CNTLN: variants seen among roughly 807,000 people sequenced by gnomAD.
The protein encoded by CNTLN is centlein, centrosomal protein.
CNTLN carries 212 observed loss-of-function variants against 180.0 expected under a neutral mutation model. The ratio of observed to expected loss-of-function variants is 1.18; its 90% CI spans 1.05 to 1.32. CNTLN has a LOEUF of 1.32. Among genes scored for constraint, CNTLN ranks in the 40% most tolerant of loss-of-function variants. The probability of loss-of-function intolerance (pLI) is 0.00; values close to 1 mark genes in which losing one functional copy is unlikely to be tolerated. For missense variants in CNTLN, 2,095 were observed against 1,610.9 expected (o/e 1.30, Z -5.14); for synonymous variants, 722 against 563.1 (o/e 1.28, Z -3.99).
chr9:17,443,416 G>A (rs759675950), intron 18 of CNTLN, among the ~76,000 whole-genome samples: 1 of 152,124 alleles, frequency 6.6e-6, no homozygotes, highest in Non-Finnish European at 1.5e-5. Context: ...GTATTGTGTG[G>A]TATCTAGGAA....
At chr9:17,393,094 ACT>A (rs1279180350) in intron 14 of CNTLN, among the ~76,000 whole-genome samples, 1 of 152,018 alleles carries the variant, frequency 6.6e-6, no homozygotes, top group Non-Finnish European at 1.5e-5. Context: ...TCTTGTGAGG[ACT>A]CTCTTTCTGT....
rs1443383518 is a variant in CNTLN, at chr9:17,433,029, A to AG, written c.3114+16840_3114+16841insG. ...GAGCAAGACTCTGTCTCAAAAAAAA[A>AG]AAAAAAAAACAAAGATTAGGAACAG... On this transcript the variant is annotated intron_variant, in intron 18 of 25. Transcript: ENST00000380647. Among the ~76,000 whole-genome samples, 26 of 150,658 alleles carry AG rather than the reference A, an allele frequency of 1.7e-4. No homozygotes were observed. The South Asian group carries it at 5.5e-3, about 32-fold the overall frequency.
intron 5 of CNTLN, among the ~76,000 whole-genome samples, chr9:17,254,197 T>A (rs1826329934): frequency 6.6e-6 from 1 of 151,730 alleles, no homozygotes; most frequent in African/African-American, 2.4e-5. Flanking sequence ...ATATCATCTT[T>A]GGAGAAATAT....
intron 8 of CNTLN, among the ~76,000 whole-genome samples, chr9:17,325,408 G>GTGTA (rs1407020798): frequency 6.9e-6 from 1 of 145,584 alleles, no homozygotes; most frequent in African/African-American, 2.5e-5. Context: ...GTGTGTGTGT[G>GTGTA]TGTGTATGTA....
chr9:17,335,333 A>G (rs1273001409), intron 10 of CNTLN, among the ~76,000 whole-genome samples: 2 of 152,144 alleles, frequency 1.3e-5, no homozygotes, highest in Non-Finnish European at 2.9e-5. Flanking sequence ...CATGGTTAAC[A>G]TGGTGAAACC....
intron 23 of CNTLN, among the ~76,000 whole-genome samples, chr9:17,473,978 C>T (rs1199567897): frequency 2.0e-5 from 3 of 152,236 alleles, no homozygotes; most frequent in Admixed American, 6.5e-5. Context: ...CACATCTAGC[C>T]GGTCTTCTCT....
At chr9:17,139,741 G>A (rs577306824) in intron 1 of CNTLN, among the ~76,000 whole-genome samples, 1 of 152,046 alleles carries the variant, frequency 6.6e-6, no homozygotes, top group African/African-American at 2.4e-5. Context: ...GTCTCCCTCT[G>A]TCACCCACGC....
Position 17,309,040 on chromosome 9 carries a change from A to G in CNTLN, c.1147-18A>G. The G allele has an allele frequency of 6.7e-7, 1 of 1,493,118 alleles. No individual in the cohort carries two copies. Among genetic ancestry groups the G allele is most frequent in the East Asian group, 2.3e-5 (1 of 43,214 alleles). The allele number at this position is 1,493,118 out of a possible 1,614,324, so 92.5% of individuals were successfully genotyped here. ...TTTATTGATTATTAATATAATTTGG[A>G]TATATTTTTTGAAACAGCTTTACAA... On this transcript the variant is annotated intron_variant, in intron 7 of 25. Transcript: ENST00000380647.
chr9:17,520,434 C>T, the CNTLN span, among the ~76,000 whole-genome samples: 1 of 152,178 alleles, frequency 6.6e-6, no homozygotes, highest in South Asian at 2.1e-4. Context: ...GGAAGGGAAG[C>T]TGTTCTGGCC....
chr9:17,263,295 T>A (rs1238147566), intron 5 of CNTLN, among the ~76,000 whole-genome samples: 1 of 149,262 alleles, frequency 6.7e-6, no homozygotes, highest in Non-Finnish European at 1.5e-5. Context: ...ATGTGGTGTT[T>A]GGCTTTTTGT....
chr9:17,210,354 G>C (rs1157435942), intron 2 of CNTLN, among the ~76,000 whole-genome samples: 1 of 152,120 alleles, frequency 6.6e-6, no homozygotes, highest in Non-Finnish European at 1.5e-5. Context: ...GAGAATGATG[G>C]TTTCCAGCTT....
intron 2 of CNTLN, among the ~76,000 whole-genome samples, chr9:17,166,492 T>C (rs565568825): frequency 1.3e-5 from 2 of 152,290 alleles, no homozygotes; most frequent in South Asian, 4.2e-4. Flanking sequence ...GAGTTTAGGA[T>C]TGAAAGCATC....
At chr9:17,359,583 A>C (rs911513974) in intron 12 of CNTLN, among the ~76,000 whole-genome samples, 1 of 151,494 alleles carries the variant, frequency 6.6e-6, no homozygotes, top group Admixed American at 6.6e-5. Context: ...CAGATATTTC[A>C]CATAAGAGGA....
At chr9:17,509,573 C>T in the CNTLN span, among the ~76,000 whole-genome samples, 175 of 152,246 alleles carry the variant, frequency 1.1e-3, no homozygotes, top group African/African-American at 3.7e-3. Context: ...AGTGGAATGG[C>T]CTTTTGAAGA....
chr9:17,312,753 G>C lies in CNTLN; in HGVS notation c.1341+3501G>C, dbSNP rs911340036. ...TCATAAAGCCAAGCATATTGTTTTGGTGAAAGTACTATATGTACCTGAGAA... is the reference window on the plus strand; with the variant it reads ...TCATAAAGCCAAGCATATTGTTTTGCTGAAAGTACTATATGTACCTGAGAA... On this transcript the variant is annotated intron_variant, in intron 8 of 25. Transcript: ENST00000380647. Among the ~76,000 whole-genome samples the C allele has an allele frequency of 5.3e-5, 8 of 151,968 alleles. 1 individual carries two copies. Among genetic ancestry groups the C allele is most frequent in the Non-Finnish European group, 1.2e-4 (8 of 67,978 alleles).
intron 2 of CNTLN, among the ~76,000 whole-genome samples, chr9:17,192,556 T>C (rs1244710291): frequency 6.6e-6 from 1 of 152,152 alleles, no homozygotes. Context: ...CCTATTCTTA[T>C]TTTCATTTAA....
At chr9:17,277,902 A>C (rs905187937) in intron 6 of CNTLN, among the ~76,000 whole-genome samples, 2 of 152,170 alleles carry the variant, frequency 1.3e-5, no homozygotes, top group African/African-American at 4.8e-5. Context: ...ACTCACTATC[A>C]TAAAGATACC....
At chr9:17,423,007 G>T (rs1828827755) in intron 18 of CNTLN, among the ~76,000 whole-genome samples, 1 of 152,170 alleles carries the variant, frequency 6.6e-6, no homozygotes, top group South Asian at 2.1e-4. Context: ...GTAAGATCCA[G>T]GAGAATTCCC....
At chr9:17,440,425 A>G (rs1219975791) in intron 18 of CNTLN, among the ~76,000 whole-genome samples, 1 of 150,462 alleles carries the variant, frequency 6.6e-6, no homozygotes. Context: ...AAAATACAAA[A>G]AAAAAAAAAA....
Sources: gnomAD v4.1 joint callset for allele counts (sites outside exome capture counted in the v4.1 genomes callset) on GRCh38, gnomAD v4.1.1 for gene constraint, MANE v1.5 for transcripts, NCBI Gene and HGNC (gene_info 2026-07-23, HGNC 2026-07-21) for gene names.